Variants in LMO7 observed in about 807,000 individuals in gnomAD.
LMO7 encodes the protein LIM domain only protein 7.
Under a neutral mutation model 206.5 loss-of-function variants are expected in LMO7, and 120 were observed. That is an observed-to-expected ratio of 0.58 (90% CI 0.50 to 0.68). The LOEUF (loss-of-function observed/expected upper bound fraction) is 0.68. Ranked by LOEUF, LMO7 falls within the 30% of genes least tolerant of loss-of-function variation. LMO7 has a pLI of 0.00. For synonymous variants in LMO7, 706 were observed against 681.5 expected (o/e 1.04, Z -0.56); for missense variants, 1,959 against 1,957.9 (o/e 1.00, Z -0.01).
chr13:75,821,710 C>CT, intron 14 of LMO7, 101 bp downstream of exon 14: 1 of 712,296 alleles, frequency 1.4e-6, no homozygotes, highest in Non-Finnish European at 2.3e-6. Flanking sequence ...GTAAACTGTA[C>CT]ATAACATATA....
At chr13:75,621,919 G>T in intron 1 of LMO7, 1 of 1,352,702 alleles carries the variant, frequency 7.4e-7, no homozygotes. Context: ...AAAGAACTAA[G>T]GCAGAGCATC....
intron 27 of LMO7, among the ~76,000 whole-genome samples, chr13:75,849,519 G>A (rs1204072937): frequency 6.6e-6 from 1 of 150,688 alleles, no homozygotes; most frequent in Non-Finnish European, 1.5e-5. Context: ...TTACTATGAG[G>A]GAACTTTGAC....
At chr13:75,732,661 C>G (rs1323225576) in intron 3 of LMO7, among the ~76,000 whole-genome samples, 1 of 152,206 alleles carries the variant, frequency 6.6e-6, no homozygotes, top group African/African-American at 2.4e-5. Flanking sequence ...TGTTCCATTG[C>G]TGGTGAGGAA....
At chr13:75,644,490 G>A (rs1382828648) in intron 1 of LMO7, among the ~76,000 whole-genome samples, 1 of 152,118 alleles carries the variant, frequency 6.6e-6, no homozygotes, top group Non-Finnish European at 1.5e-5. Context: ...TCCACCTAAA[G>A]CTGTAAGATT....
At chr13:75,815,484 G>A (rs557687951) in intron 11 of LMO7, among the ~76,000 whole-genome samples, 3 of 152,168 alleles carry the variant, frequency 2.0e-5, no homozygotes, top group African/African-American at 7.2e-5. Flanking sequence ...AGCTGAGCAG[G>A]TTGTGAAGAG....
At chr13:75,672,240 A>ATTT (rs568135884) in intron 1 of LMO7, among the ~76,000 whole-genome samples, 1 of 131,554 alleles carries the variant, frequency 7.6e-6, no homozygotes, top group Admixed American at 7.7e-5. Flanking sequence ...TTAAAAAAAG[A>ATTT]TTTTTTTTTT....
intron 6 of LMO7, among the ~76,000 whole-genome samples, chr13:75,797,095 A>G (rs2054116298): frequency 6.6e-6 from 1 of 152,178 alleles, no homozygotes; most frequent in African/African-American, 2.4e-5. Flanking sequence ...CTCAACCTGT[A>G]GTAGAGAGGT....
At chr13:75,693,378 T>C (rs1269071829) in intron 1 of LMO7, among the ~76,000 whole-genome samples, 1 of 152,212 alleles carries the variant, frequency 6.6e-6, no homozygotes, top group Non-Finnish European at 1.5e-5. Context: ...TGGGCTTCAT[T>C]GTGCAGCCAT....
intron 12 of LMO7, 21 bp from the exon 13 acceptor site, chr13:75,819,372 C>T (rs1157493637): frequency 1.3e-6 from 2 of 1,581,284 alleles, no homozygotes; most frequent in East Asian, 2.2e-5. Flanking sequence ...TGTGCCCCTG[C>T]TGATGTGATT....
intron 17 of LMO7, 100 bp from the exon 18 acceptor site, chr13:75,835,133 A>G: frequency 6.6e-7 from 1 of 1,520,900 alleles, no homozygotes; most frequent in Admixed American, 2.2e-5. Context: ...TACTCATTTG[A>G]TCTTCATGTG....
intron 1 of LMO7, among the ~76,000 whole-genome samples, chr13:75,710,141 C>G (rs544887287): frequency 6.6e-6 from 1 of 152,262 alleles, no homozygotes; most frequent in East Asian, 1.9e-4. Flanking sequence ...GGGCTCTGTT[C>G]TGTTCCATTG....
intron 1 of LMO7, among the ~76,000 whole-genome samples, chr13:75,647,752 T>A (rs1163481857): frequency 6.6e-6 from 1 of 152,104 alleles, no homozygotes; most frequent in Non-Finnish European, 1.5e-5. Context: ...CTGCTTCAAC[T>A]TAAACATCAG....
intron 15 of LMO7, among the ~76,000 whole-genome samples, chr13:75,830,229 A>G (rs1403864118): frequency 6.6e-6 from 1 of 152,208 alleles, no homozygotes; most frequent in Admixed American, 6.5e-5. Flanking sequence ...AAGAAGTTTC[A>G]GGAATAATTT....
chr13:75,818,428 T>C (rs2057266746), intron 12 of LMO7, among the ~76,000 whole-genome samples: 1 of 152,102 alleles, frequency 6.6e-6, no homozygotes, highest in African/African-American at 2.4e-5. Flanking sequence ...TGTGCTTCTG[T>C]TTGGACTGGA....
intron 4 of LMO7, among the ~76,000 whole-genome samples, chr13:75,783,959 C>T (rs2051979134): frequency 6.6e-6 from 1 of 152,176 alleles, no homozygotes; most frequent in Non-Finnish European, 1.5e-5. Context: ...TCTGCTTTAT[C>T]TGATTAGTGG....
At chr13:75,767,589 ATTAACT>A (rs1478519385) in intron 4 of LMO7, among the ~76,000 whole-genome samples, 1 of 152,060 alleles carries the variant, frequency 6.6e-6, no homozygotes, top group Non-Finnish European at 1.5e-5. Flanking sequence ...AAAAAGTCAC[ATTAACT>A]TTGACTTTGG....
At chr13:75,626,972 C>T (rs1407437717) in intron 2 of LMO7, 1 of 151,974 alleles carries the variant, frequency 6.6e-6, no homozygotes, top group Non-Finnish European at 1.5e-5. Flanking sequence ...TGCTATCCAC[C>T]TTGTAGTCAT....
chr13:75,834,048 C>G (rs1049409403), intron 16 of LMO7, among the ~76,000 whole-genome samples, 178 bp from the exon 17 acceptor site: 1 of 151,972 alleles, frequency 6.6e-6, no homozygotes, highest in African/African-American at 2.4e-5. Flanking sequence ...AAAAACACCT[C>G]TAATGCTTTG....
chr13:75,822,824 A>ATATATATATATATATATAAT (rs1215461319), intron 14 of LMO7, among the ~76,000 whole-genome samples: 6 of 67,102 alleles, frequency 8.9e-5, no homozygotes, highest in African/African-American at 2.9e-4. Flanking sequence ...ATATATAATA[A>ATATATATATATATATATAAT]AATATATATA....
Sources: gnomAD v4.1 joint callset for allele counts (sites outside exome capture counted in the v4.1 genomes callset) on GRCh38, gnomAD v4.1.1 for gene constraint, MANE v1.5 for transcripts, NCBI Gene and HGNC (gene_info 2026-07-23, HGNC 2026-07-21) for gene names.